RANBP2: variants seen among roughly 807,000 people sequenced by gnomAD.
RANBP2 encodes the protein E3 SUMO-protein ligase RanBP2.
In RANBP2, 57 loss-of-function variants were observed where a neutral mutation model predicts 303.6. The observed-to-expected ratio is 0.19, with a 90% CI of 0.15 to 0.23. The LOEUF (loss-of-function observed/expected upper bound fraction) is 0.23, where lower values mean the gene tolerates loss of function less well. Ranked by LOEUF, RANBP2 falls within the 10% of genes least tolerant of loss-of-function variation. The probability of loss-of-function intolerance (pLI) is 1.00; values close to 1 mark genes in which losing one functional copy is unlikely to be tolerated. For synonymous variants in RANBP2, 1,167 were observed against 1,301.5 expected, an observed-to-expected ratio of 0.90 and a Z score of 2.23; for missense variants, 3,138 against 3,780.8, an observed-to-expected ratio of 0.83 and a Z score of 4.46.
the RANBP2 span, chr2:109,616,207 T>C: frequency 1.5e-6 from 2 of 1,297,640 alleles, no homozygotes; most frequent in Non-Finnish European, 2.0e-6. Flanking sequence ...GGCGGAGTTC[T>C]CTTCAGGCTA....
the RANBP2 span, among the ~76,000 whole-genome samples, chr2:109,051,835 G>T: frequency 1.3e-5 from 2 of 150,690 alleles, no homozygotes; most frequent in Non-Finnish European, 2.9e-5. Flanking sequence ...TGCAATATCT[G>T]CCTCCCAGGT....
chr2:109,453,360 A>T, the RANBP2 span, among the ~76,000 whole-genome samples: 1 of 152,238 alleles, frequency 6.6e-6, no homozygotes, highest in Non-Finnish European at 1.5e-5. Context: ...TCAGGATTTA[A>T]GTTATCCTTT....
At chr2:109,175,518 C>A in the RANBP2 span, among the ~76,000 whole-genome samples, 1 of 152,204 alleles carries the variant, frequency 6.6e-6, no homozygotes, top group South Asian at 2.1e-4. Context: ...TGAGAGCAAA[C>A]AAGGATGAGC....
At chr2:109,738,038 TTACTC>T in the RANBP2 span, among the ~76,000 whole-genome samples, 3 of 151,426 alleles carry the variant, frequency 2.0e-5, no homozygotes, top group Non-Finnish European at 4.4e-5. Flanking sequence ...AGTTGACTCT[TTACTC>T]TGTTGATTGT....
At chr2:109,008,690 C>G in the RANBP2 span, among the ~76,000 whole-genome samples, 1 of 151,254 alleles carries the variant, frequency 6.6e-6, no homozygotes, top group Non-Finnish European at 1.5e-5. Flanking sequence ...ATCACGAGGT[C>G]AGGAGATCGA....
the RANBP2 span, among the ~76,000 whole-genome samples, chr2:109,019,796 C>T: frequency 6.6e-6 from 1 of 152,214 alleles, no homozygotes; most frequent in Non-Finnish European, 1.5e-5. Flanking sequence ...CCTTTGGCTT[C>T]TCCTGTCCAC....
At chr2:109,155,459 C>A in the RANBP2 span, among the ~76,000 whole-genome samples, 7 of 152,042 alleles carry the variant, frequency 4.6e-5, no homozygotes, top group Admixed American at 1.3e-4. Flanking sequence ...CCCACCACCA[C>A]GCCTGGCTAA....
the RANBP2 span, among the ~76,000 whole-genome samples, chr2:109,016,243 G>A: frequency 1.5e-3 from 226 of 151,724 alleles, no homozygotes; most frequent in African/African-American, 5.1e-3. Flanking sequence ...CACCACGCCC[G>A]GCTAATTTTT....
At chr2:108,803,852 G>A in the RANBP2 span, among the ~76,000 whole-genome samples, 1 of 152,186 alleles carries the variant, frequency 6.6e-6, no homozygotes, top group African/African-American at 2.4e-5. Context: ...TGCTGTGCTA[G>A]AAATGGAATG....
chr2:109,368,886 G>A, the RANBP2 span, among the ~76,000 whole-genome samples: 3 of 152,110 alleles, frequency 2.0e-5, no homozygotes, highest in Non-Finnish European at 2.9e-5. Flanking sequence ...ATGTGACAGC[G>A]AAGCCTTAGG....
At chr2:108,804,868 GTTTT>G in the RANBP2 span, 1 of 1,359,610 alleles carries the variant, frequency 7.4e-7, no homozygotes, top group Non-Finnish European at 9.7e-7. Flanking sequence ...TTAGATGAGA[GTTTT>G]TTTTTTCTCC....
the RANBP2 span, among the ~76,000 whole-genome samples, chr2:109,473,846 T>TCCCTGAACCGCTCTCCTTGTGC: frequency 4.6e-5 from 7 of 151,992 alleles, no homozygotes; most frequent in African/African-American, 1.4e-4. Context: ...TTTTGGGGTG[T>TCCCTGAACCGCTCTCCTTGTGC]CCCTGAACCG....
At chr2:109,531,492 GA>G in the RANBP2 span, among the ~76,000 whole-genome samples, 30 of 152,180 alleles carry the variant, frequency 2.0e-4, no homozygotes, top group African/African-American at 7.2e-4. Flanking sequence ...CCTCCACCCT[GA>G]ACTCAGCCCT....
At chr2:109,469,507 G>A in the RANBP2 span, among the ~76,000 whole-genome samples, 3 of 152,140 alleles carry the variant, frequency 2.0e-5, no homozygotes, top group Non-Finnish European at 2.9e-5. Flanking sequence ...GGTCTTCTGT[G>A]GCCTAATTTC....
At chr2:109,105,290 A>G in the RANBP2 span, among the ~76,000 whole-genome samples, 1 of 152,138 alleles carries the variant, frequency 6.6e-6, no homozygotes, top group Admixed American at 6.5e-5. Flanking sequence ...TGGGAAGGGA[A>G]AAGTGCCTCA....
At chr2:108,924,116 G>A in the RANBP2 span, among the ~76,000 whole-genome samples, 1 of 152,266 alleles carries the variant, frequency 6.6e-6, no homozygotes, top group Non-Finnish European at 1.5e-5. Flanking sequence ...CGCTGGGGCT[G>A]CACACACAGT....
the RANBP2 span, among the ~76,000 whole-genome samples, chr2:109,093,871 C>T: frequency 2.0e-5 from 3 of 152,190 alleles, no homozygotes; most frequent in Admixed American, 2.0e-4. Flanking sequence ...AAATCAGAGG[C>T]AGCACCACAA....
chr2:109,487,791 C>T, the RANBP2 span, among the ~76,000 whole-genome samples: 8 of 152,128 alleles, frequency 5.3e-5, no homozygotes, highest in Non-Finnish European at 8.8e-5. Context: ...GGGCTCTCCC[C>T]GACGGGCCCA....
chr2:109,288,932 C>T, the RANBP2 span, among the ~76,000 whole-genome samples: 2 of 152,168 alleles, frequency 1.3e-5, no homozygotes, highest in Admixed American at 6.5e-5. Flanking sequence ...TTGACTCCAA[C>T]CCATAGCTAT....
Sources: gnomAD v4.1 joint callset for allele counts (sites outside exome capture counted in the v4.1 genomes callset) on GRCh38, gnomAD v4.1.1 for gene constraint, MANE v1.5 for transcripts, NCBI Gene and HGNC (gene_info 2026-07-23, HGNC 2026-07-21) for gene names.